MVB12B: variants seen among roughly 807,000 people sequenced by gnomAD.
The protein encoded by MVB12B is ESCRT-I complex subunit MVB12B.
In MVB12B, 16 loss-of-function variants were observed where a neutral mutation model predicts 41.6. That is an observed-to-expected ratio of 0.38 (90% CI 0.26 to 0.58). The LOEUF is 0.58. Ranked by LOEUF, MVB12B falls within the 20% of genes least tolerant of loss-of-function variation. The pLI is 0.62. For synonymous variants in MVB12B, 133 were observed against 139.7 expected (o/e 0.95, Z 0.34); for missense variants, 274 against 380.2 (o/e 0.72, Z 2.32).
intron 9 of MVB12B, among the ~76,000 whole-genome samples, chr9:126,498,291 G>A (rs1199085288): frequency 6.6e-6 from 1 of 152,200 alleles, no homozygotes; most frequent in Non-Finnish European, 1.5e-5. Flanking sequence ...AAGCAGACAG[G>A]TGGGGCTGCT....
At chr9:126,361,838 C>T (rs1239267596) in intron 2 of MVB12B, among the ~76,000 whole-genome samples, 2 of 149,358 alleles carry the variant, frequency 1.3e-5, no homozygotes, top group African/African-American at 2.5e-5. Context: ...CACCCGAGCC[C>T]GGGAAGTCAA....
chr9:126,420,394 G>A (rs1468473272), intron 6 of MVB12B, among the ~76,000 whole-genome samples: 1 of 152,134 alleles, frequency 6.6e-6, no homozygotes, highest in Non-Finnish European at 1.5e-5. Context: ...CAGCCTGGCT[G>A]GGCTGTGGCT....
chr9:126,404,483 G>A (rs1349248827), intron 6 of MVB12B, among the ~76,000 whole-genome samples: 1 of 152,222 alleles, frequency 6.6e-6, no homozygotes, highest in East Asian at 1.9e-4. Context: ...CATGTGCCTG[G>A]AAGGGCTGGT....
At chr9:126,496,595 G>A (rs868849128) in intron 9 of MVB12B, among the ~76,000 whole-genome samples, 2 of 151,938 alleles carry the variant, frequency 1.3e-5, no homozygotes, top group Non-Finnish European at 2.9e-5. Context: ...CGTTCTCCCC[G>A]GGGAAGGAAC....
At chr9:126,471,464 A>G (rs1833314517) in intron 7 of MVB12B, among the ~76,000 whole-genome samples, 1 of 152,206 alleles carries the variant, frequency 6.6e-6, no homozygotes, top group Non-Finnish European at 1.5e-5. Context: ...GCTTATGAAT[A>G]ACATGGCAAA....
At chr9:126,479,796 C>T (rs1439931433) in intron 7 of MVB12B, among the ~76,000 whole-genome samples, 1 of 152,224 alleles carries the variant, frequency 6.6e-6, no homozygotes, top group East Asian at 1.9e-4. Context: ...CATGCTGATC[C>T]AAGAAGGTTT....
Position 126,493,487 on chromosome 9 carries a change from TC to T in MVB12B, c.873+9460del, listed in dbSNP as rs771923353. Among the ~76,000 whole-genome samples, 22 of 152,280 alleles carry T rather than the reference TC, an allele frequency of 1.4e-4. No homozygotes were observed. In the Middle Eastern group the frequency reaches 0.014, roughly 94 times the overall value. On this transcript the variant is annotated intron_variant, in intron 9 of 9. Coordinates refer to ENST00000361171, the MANE Select transcript of MVB12B (RefSeq NM_033446.3). ...AGGTTAGGGTTAGTTCTCTCTTTTT[TC>T]CCCCAGAACTTTACTAATTTTACTC...
chr9:126,424,085 G>C (rs1029070772), intron 7 of MVB12B, among the ~76,000 whole-genome samples: 7 of 152,204 alleles, frequency 4.6e-5, no homozygotes, highest in Admixed American at 4.6e-4. Flanking sequence ...GGCGGGCTCT[G>C]TGTCCCTCCT....
intron 6 of MVB12B, among the ~76,000 whole-genome samples, chr9:126,416,027 G>A (rs905119031): frequency 2.0e-5 from 3 of 152,214 alleles, no homozygotes. Flanking sequence ...GTGAATGCAG[G>A]GAGGGTGGAC....
At chr9:126,492,669 C>G (rs770982471) in intron 9 of MVB12B, among the ~76,000 whole-genome samples, 2 of 152,210 alleles carry the variant, frequency 1.3e-5, no homozygotes, top group Non-Finnish European at 2.9e-5. Context: ...TAGCACCACC[C>G]CATCGCTACA....
chr9:126,467,138 A>G (rs147411167), intron 7 of MVB12B, among the ~76,000 whole-genome samples: 4 of 152,264 alleles, frequency 2.6e-5, no homozygotes, highest in Non-Finnish European at 4.4e-5. Flanking sequence ...CCAGCCGGAA[A>G]TCAGATTTGA....
chr9:126,359,081 G>T, intron 2 of MVB12B, among the ~76,000 whole-genome samples: 1 of 149,570 alleles, frequency 6.7e-6, no homozygotes. Flanking sequence ...TTTTTATGGA[G>T]ACAGGGTCTC....
At chr9:126,387,799 T>C (rs1830840238) in intron 4 of MVB12B, among the ~76,000 whole-genome samples, 4 of 152,234 alleles carry the variant, frequency 2.6e-5, no homozygotes, top group Admixed American at 2.0e-4. Context: ...AGATGGACAT[T>C]ATTATACCCA....
chr9:126,496,260 CCTACCCATCGCCCCACCCACCCTT>C (rs1833832284), intron 9 of MVB12B, among the ~76,000 whole-genome samples: 1 of 137,636 alleles, frequency 7.3e-6, no homozygotes, highest in African/African-American at 2.8e-5. Context: ...CATCCATCCA[CCTACCCATCGCCCCACCCACCCTT>C]CCACCCATCC....
chr9:126,408,986 C>T (rs375316290), intron 6 of MVB12B, among the ~76,000 whole-genome samples: 13 of 152,242 alleles, frequency 8.5e-5, no homozygotes, highest in East Asian at 7.7e-4. Flanking sequence ...TCCTACTCTG[C>T]GGGGTTTGGA....
intron 3 of MVB12B, among the ~76,000 whole-genome samples, chr9:126,384,970 G>T (rs1460022244): frequency 6.6e-6 from 1 of 151,012 alleles, no homozygotes; most frequent in Non-Finnish European, 1.5e-5. Context: ...CTGAGTAGCT[G>T]GGACTACATG....
chr9:126,465,771 A>G (rs1311183805), intron 7 of MVB12B, among the ~76,000 whole-genome samples: 1 of 152,176 alleles, frequency 6.6e-6, no homozygotes, highest in African/African-American at 2.4e-5. Context: ...TGATAACAAT[A>G]GCTAACACAT....
At chr9:126,380,602 C>T (rs1468811774) in intron 2 of MVB12B, among the ~76,000 whole-genome samples, 1 of 152,162 alleles carries the variant, frequency 6.6e-6, no homozygotes, top group Admixed American at 6.5e-5. Flanking sequence ...CAGTAGAATC[C>T]CGTTGACTGA....
At chr9:126,370,272 C>T (rs1036578071) in intron 2 of MVB12B, among the ~76,000 whole-genome samples, 2 of 151,956 alleles carry the variant, frequency 1.3e-5, no homozygotes, top group East Asian at 1.9e-4. Flanking sequence ...TTGTACTCCA[C>T]TCATTTTGTT....
Sources: gnomAD v4.1 joint callset for allele counts (sites outside exome capture counted in the v4.1 genomes callset) on GRCh38, gnomAD v4.1.1 for gene constraint, MANE v1.5 for transcripts, NCBI Gene and HGNC (gene_info 2026-07-23, HGNC 2026-07-21) for gene names.